The following LRP1B variants were observed in gnomAD, a reference collection of about 807,000 sequenced individuals.
LRP1B encodes LDL receptor related protein 1B.
A neutral mutation model predicts 556.6 loss-of-function variants in LRP1B; 217 were observed. That is an observed-to-expected ratio of 0.39 (90% CI 0.35 to 0.44). The LOEUF is 0.44. LRP1B is among the 20% of genes least tolerant of loss of function. The pLI is 1.00. For missense variants in LRP1B, 5,053 were observed against 5,620.8 expected (o/e 0.90, Z 3.23); for synonymous variants, 2,047 against 1,865.8 (o/e 1.10, Z -2.50).
At chr2:140,451,367 T>C (rs1054243046) in intron 62 of LRP1B, among the ~76,000 whole-genome samples, 3 of 152,186 alleles carry the variant, frequency 2.0e-5, no homozygotes, top group African/African-American at 7.2e-5. Context: ...AAACACTAAA[T>C]AGGGCTAAAA....
chr2:141,622,510 T>A (rs986523444), intron 2 of LRP1B, among the ~76,000 whole-genome samples: 5 of 152,182 alleles, frequency 3.3e-5, no homozygotes, highest in African/African-American at 4.8e-5. Flanking sequence ...TTTCAATATA[T>A]CTACTTAGAA....
intron 3 of LRP1B, among the ~76,000 whole-genome samples, chr2:141,392,949 C>T (rs1401684883): frequency 3.3e-5 from 5 of 152,098 alleles, no homozygotes; most frequent in Non-Finnish European, 5.9e-5. Flanking sequence ...ACTGTAGTCC[C>T]GCTGAAACAG....
At chr2:140,536,887 T>A (rs184737236) in intron 45 of LRP1B, among the ~76,000 whole-genome samples, 178 bp from the exon 46 acceptor site, 4 of 151,514 alleles carry the variant, frequency 2.6e-5, no homozygotes, top group Middle Eastern at 3.4e-3. Context: ...AAGAAATAAT[T>A]TTTTGGCCAG....
At chr2:141,436,393 G>T (rs1458278390) in intron 3 of LRP1B, among the ~76,000 whole-genome samples, 2 of 152,268 alleles carry the variant, frequency 1.3e-5, no homozygotes, top group Non-Finnish European at 1.5e-5. Flanking sequence ...AGAATAGAAT[G>T]GTGGTTGCCA....
chr2:140,919,877 G>T (rs776921689), intron 21 of LRP1B, among the ~76,000 whole-genome samples: 10 of 151,966 alleles, frequency 6.6e-5, no homozygotes, highest in Non-Finnish European at 1.0e-4. Context: ...TAGAATACTT[G>T]CGTGAATACA....
intron 3 of LRP1B, among the ~76,000 whole-genome samples, chr2:141,332,100 T>C (rs1204166884): frequency 6.6e-6 from 1 of 151,932 alleles, no homozygotes; most frequent in Admixed American, 6.6e-5. Context: ...AGCTATTCTG[T>C]AATTGTTGAT....
intron 19 of LRP1B, among the ~76,000 whole-genome samples, 195 bp downstream of exon 19, chr2:140,951,665 G>T (rs186127658): frequency 6.6e-6 from 1 of 152,148 alleles, no homozygotes; most frequent in Non-Finnish European, 1.5e-5. Context: ...CACCCATGGG[G>T]CAAATATTGA....
intron 1 of LRP1B, among the ~76,000 whole-genome samples, chr2:142,044,123 A>G (rs746254510): frequency 6.6e-6 from 1 of 151,716 alleles, no homozygotes; most frequent in Non-Finnish European, 1.5e-5. Flanking sequence ...TCTTATCACA[A>G]ATGTATACTT....
chr2:140,449,761 C>T (rs1573952616), intron 63 of LRP1B, among the ~76,000 whole-genome samples: 1 of 152,152 alleles, frequency 6.6e-6, no homozygotes, highest in South Asian at 2.1e-4. Context: ...TAGCCAGTTT[C>T]TTCTGTCTTT....
intron 3 of LRP1B, among the ~76,000 whole-genome samples, chr2:141,428,198 A>G (rs572503125): frequency 1.1e-4 from 17 of 152,316 alleles, no homozygotes; most frequent in African/African-American, 4.1e-4. Context: ...TAAGTAGGTT[A>G]CAGGTTGAAT....
chr2:141,174,847 G>C (rs1369493834), intron 7 of LRP1B, among the ~76,000 whole-genome samples: 1 of 152,046 alleles, frequency 6.6e-6, no homozygotes, highest in Non-Finnish European at 1.5e-5. Context: ...GAACTTCCTA[G>C]AGACTTATTG....
intron 6 of LRP1B, among the ~76,000 whole-genome samples, chr2:141,189,706 G>A (rs1004295596): frequency 6.6e-6 from 1 of 151,908 alleles, no homozygotes; most frequent in Non-Finnish European, 1.5e-5. Flanking sequence ...AATTTAACAA[G>A]TGACTACTAT....
Position 141,606,456 on chromosome 2 carries a change from A to G in LRP1B, c.206-125923T>C, listed in dbSNP as rs145428521. Among the ~76,000 whole-genome samples, 11 of 152,334 alleles carry G rather than the reference A, an allele frequency of 7.2e-5. No individual in the cohort carries two copies. In the East Asian group the frequency reaches 2.1e-3, roughly 29 times the overall value. On this transcript the variant is annotated intron_variant, in intron 2 of 90. Coordinates refer to ENST00000389484, the MANE Select transcript of LRP1B (RefSeq NM_018557.3). The stretch of plus-strand genomic sequence containing the variant: ...AGTGAAAAATAGCATGGAAACTTAA[A>G]TGGAAAAAATATTATGGATTTAATT...
At chr2:141,603,114 A>T (rs575797048) in intron 2 of LRP1B, among the ~76,000 whole-genome samples, 2 of 152,324 alleles carry the variant, frequency 1.3e-5, no homozygotes, top group Admixed American at 1.3e-4. Context: ...AAATTTAAGC[A>T]TAGCTGTGTC....
At chr2:141,294,204 T>G (rs1181701595) in intron 3 of LRP1B, among the ~76,000 whole-genome samples, 1 of 152,174 alleles carries the variant, frequency 6.6e-6, no homozygotes, top group Non-Finnish European at 1.5e-5. Flanking sequence ...ATTGCTTTTA[T>G]GACTAGAAAT....
At chr2:140,340,843 G>C (rs1475357980) in intron 77 of LRP1B, among the ~76,000 whole-genome samples, 3 of 151,500 alleles carry the variant, frequency 2.0e-5, no homozygotes, top group Admixed American at 6.6e-5. Flanking sequence ...CATGTGTTCA[G>C]TTTGTGTCTA....
intron 25 of LRP1B, among the ~76,000 whole-genome samples, chr2:140,874,345 T>G (rs1308261278): frequency 2.0e-5 from 3 of 152,202 alleles, no homozygotes; most frequent in African/African-American, 7.2e-5. Context: ...CTCTCCCCTT[T>G]TAAAGGGAGC....
intron 2 of LRP1B, among the ~76,000 whole-genome samples, chr2:141,542,742 T>C (rs1439079217): frequency 6.6e-6 from 1 of 152,170 alleles, no homozygotes; most frequent in African/African-American, 2.4e-5. Flanking sequence ...GCTCTCTTTG[T>C]CTCATTTTTA....
chr2:140,748,915 A>G (rs1431884194), intron 35 of LRP1B, among the ~76,000 whole-genome samples: 1 of 145,642 alleles, frequency 6.9e-6, no homozygotes, highest in African/African-American at 2.6e-5. Flanking sequence ...TTGTTATGTG[A>G]TTTTGTTGTT....
Sources: gnomAD v4.1 joint callset for allele counts (sites outside exome capture counted in the v4.1 genomes callset) on GRCh38, gnomAD v4.1.1 for gene constraint, MANE v1.5 for transcripts, NCBI Gene and HGNC (gene_info 2026-07-23, HGNC 2026-07-21) for gene names.